The following FOXN3 variants were observed in gnomAD, a reference collection of about 807,000 sequenced individuals.
FOXN3 encodes the protein forkhead box protein N3.
A neutral mutation model predicts 38.4 loss-of-function variants in FOXN3; 7 were observed. The ratio of observed to expected loss-of-function variants is 0.18; its 90% CI spans 0.10 to 0.34. The LOEUF (loss-of-function observed/expected upper bound fraction) is 0.34, where lower values mean the gene tolerates loss of function less well. Ranked by LOEUF, FOXN3 falls within the 10% of genes least tolerant of loss-of-function variation. The probability of loss-of-function intolerance (pLI) is 1.00; values close to 1 mark genes in which losing one functional copy is unlikely to be tolerated. For synonymous variants in FOXN3, 230 were observed against 242.2 expected (o/e 0.95, Z 0.47); for missense variants, 456 against 613.4 (o/e 0.74, Z 2.71).
chr14:89,547,071 C>G (rs1894901846), intron 1 of FOXN3, among the ~76,000 whole-genome samples: 1 of 152,180 alleles, frequency 6.6e-6, no homozygotes, highest in Non-Finnish European at 1.5e-5. Context: ...AGGCGAGAGT[C>G]ACCACACCAG....
chr14:89,460,358 G>A (rs776351359), intron 1 of FOXN3, among the ~76,000 whole-genome samples: 2 of 152,022 alleles, frequency 1.3e-5, no homozygotes, highest in Admixed American at 1.3e-4. Context: ...ATCGCTCTCC[G>A]CTCCAGAAAA....
At chr14:89,468,542 G>A (rs1340756379) in intron 1 of FOXN3, among the ~76,000 whole-genome samples, 1 of 152,136 alleles carries the variant, frequency 6.6e-6, no homozygotes, top group African/African-American at 2.4e-5. Flanking sequence ...GTATGATCTT[G>A]AGCAGATTAT....
At chr14:89,221,990 T>C (rs1025239973) in intron 4 of FOXN3, among the ~76,000 whole-genome samples, 1 of 151,978 alleles carries the variant, frequency 6.6e-6, no homozygotes, top group Non-Finnish European at 1.5e-5. Flanking sequence ...GCCCGGCTAA[T>C]TTTTTGTATT....
At chr14:89,233,997 C>T (rs1396695656) in intron 4 of FOXN3, among the ~76,000 whole-genome samples, 1 of 152,116 alleles carries the variant, frequency 6.6e-6, no homozygotes, top group East Asian at 1.9e-4. Context: ...TCACTCTGTC[C>T]CTCGTGTAGA....
chr14:89,200,810 A>C (rs10140539), intron 4 of FOXN3, among the ~76,000 whole-genome samples: 1,583 of 152,302 alleles, frequency 0.01, 28 homozygotes, highest in African/African-American at 0.036. Flanking sequence ...CTGGCACTCT[A>C]AATTTTCCTA....
intron 1 of FOXN3, among the ~76,000 whole-genome samples, chr14:89,414,549 C>T (rs1345882671): frequency 7.0e-6 from 1 of 141,870 alleles, no homozygotes; most frequent in East Asian, 2.1e-4. Flanking sequence ...GAGGCCCAAC[C>T]GGTTTTTTTT....
intron 4 of FOXN3, among the ~76,000 whole-genome samples, chr14:89,209,293 C>T (rs1468268544): frequency 6.6e-6 from 1 of 152,246 alleles, no homozygotes; most frequent in Non-Finnish European, 1.5e-5. Context: ...TTAGGAGCTT[C>T]TGCTCCTTTA....
chr14:89,426,599 A>G (rs969644669), intron 1 of FOXN3, among the ~76,000 whole-genome samples: 2 of 152,184 alleles, frequency 1.3e-5, no homozygotes, highest in Admixed American at 6.5e-5. Flanking sequence ...ACCAATGATG[A>G]GGACTGACTG....
At chr14:89,345,820 C>T (rs1010000156) in intron 3 of FOXN3, among the ~76,000 whole-genome samples, 5 of 152,178 alleles carry the variant, frequency 3.3e-5, no homozygotes, top group South Asian at 2.1e-4. Flanking sequence ...TTAGGGAGAC[C>T]GAGGTGGTGG....
intron 1 of FOXN3, among the ~76,000 whole-genome samples, chr14:89,594,744 T>C (rs1896023843): frequency 6.6e-6 from 1 of 152,134 alleles, no homozygotes. Flanking sequence ...TTGGTTCTTT[T>C]GGGTCCTGGC....
chr14:89,592,418 A>G (rs1431865892), intron 1 of FOXN3, among the ~76,000 whole-genome samples: 1 of 152,226 alleles, frequency 6.6e-6, no homozygotes. Context: ...AATGACTTAT[A>G]AAGACACAAC....
intron 1 of FOXN3, among the ~76,000 whole-genome samples, chr14:89,504,272 CG>C (rs1566678121): frequency 6.6e-6 from 1 of 152,190 alleles, no homozygotes; most frequent in African/African-American, 2.4e-5. Flanking sequence ...TTCCCAGGCA[CG>C]TGTCAGGAAT....
At chr14:89,531,797 G>A (rs1260119331) in intron 1 of FOXN3, among the ~76,000 whole-genome samples, 2 of 80,866 alleles carry the variant, frequency 2.5e-5, no homozygotes, top group Non-Finnish European at 2.5e-5. Flanking sequence ...AACGCCAGTG[G>A]TTCTTGTTTT....
chr14:89,212,668 T>C (rs563204182), intron 4 of FOXN3, among the ~76,000 whole-genome samples: 13 of 152,320 alleles, frequency 8.5e-5, no homozygotes, highest in African/African-American at 3.1e-4. Flanking sequence ...CCCCCTCCTT[T>C]GGCCCTTCCA....
chr14:89,172,911 A>G (rs1596079546), intron 5 of FOXN3, among the ~76,000 whole-genome samples: 1 of 152,224 alleles, frequency 6.6e-6, no homozygotes, highest in East Asian at 1.9e-4. Flanking sequence ...TTTTAGAAAA[A>G]TACTATAGGA....
intron 1 of FOXN3, among the ~76,000 whole-genome samples, chr14:89,574,245 C>T (rs998859695): frequency 2.6e-5 from 4 of 152,170 alleles, no homozygotes; most frequent in African/African-American, 7.2e-5. Flanking sequence ...CACCTCTGGG[C>T]AGCCAACATC....
Position 89,162,957 on chromosome 14 carries a change from G to A in FOXN3, c.864C>T (p.Thr288=), listed in dbSNP as rs776920246. 7 of 1,562,462 alleles carry A rather than the reference G, an allele frequency of 4.5e-6. No individual in the cohort carries two copies. In the East Asian group the frequency reaches 1.6e-4, roughly 35 times the overall value. The change falls in exon 6 of 6, where the codon ACC becomes ACT. Residue 288 remains threonine (T), a synonymous_variant. Coordinates refer to ENST00000557258, the MANE Select transcript of FOXN3 (RefSeq NM_005197.4). This position sits in a 1 kb window ranked among gnomAD's most constrained non-coding sequence, Gnocchi z 7.2. ...GVTAAMRNGI[T]SCRMRTESEP... is the part of the protein sequence containing the mutation. ...CACTCTCAGTCCGCATCCGGCAGCT[G>A]GTGATGCCATTCCTGCAGAGCGAGG...
intron 4 of FOXN3, among the ~76,000 whole-genome samples, chr14:89,212,711 C>T (rs2139833206): frequency 6.6e-6 from 1 of 152,244 alleles, no homozygotes; most frequent in Admixed American, 6.5e-5. Context: ...CTTTGTATTG[C>T]CTCCCTTTCT....
rs868055800 is a variant in FOXN3, at chr14:89,288,681, T to G, written c.681-7667A>C. Among the ~76,000 whole-genome samples the G allele has an allele frequency of 6.8e-3, 471 of 69,412 alleles. 16 individuals carry two copies. Among genetic ancestry groups the G allele is most frequent in the African/African-American group, 0.012 (184 of 15,908 alleles). The allele number at this position is 69,412 out of a possible 152,430, so 45.5% of individuals were successfully genotyped here. The stretch of plus-strand genomic sequence containing the variant: ...AATAGGCACTCTCTTTCTCTCTCTC[T>G]CTCTCTCTCTCTCTCTCTCTCTCTC... On this transcript the variant is annotated intron_variant, in intron 3 of 5. Transcript: ENST00000557258.
Sources: gnomAD v4.1 joint callset for allele counts (sites outside exome capture counted in the v4.1 genomes callset) on GRCh38, gnomAD v4.1.1 for gene constraint, Gnocchi (gnomAD v3.1) non-coding constraint, MANE v1.5 for transcripts, NCBI Gene and HGNC (gene_info 2026-07-23, HGNC 2026-07-21) for gene names.